The following MYRF variants were observed in gnomAD, a reference collection of about 807,000 sequenced individuals.
MYRF encodes the protein myelin regulatory factor.
In MYRF, 16 loss-of-function variants were observed where a neutral mutation model predicts 126.3. That is an observed-to-expected ratio of 0.13 (90% CI 0.09 to 0.19). MYRF has a LOEUF of 0.19. MYRF is among the 10% of genes least tolerant of loss of function. The pLI, the probability that MYRF is intolerant of heterozygous loss-of-function variation, is 1.00. For synonymous variants in MYRF, 608 were observed against 635.3 expected (o/e 0.96, Z 0.65); for missense variants, 1,104 against 1,547.0 (o/e 0.71, Z 4.80).
Position 61,778,413 on chromosome 11 carries a change from C to T in MYRF, c.1937C>T (p.Pro646Leu). The T allele has an allele frequency of 6.2e-7, 1 of 1,614,098 alleles. No individual in the cohort carries two copies. The highest frequency in any genetic ancestry group is 2.2e-5 in the East Asian group (1 of 44,890). The change falls in exon 14 of 27, where the codon CCT becomes CTT. Residue 646 changes from proline (P) to leucine (L), a missense_variant. Coordinates refer to ENST00000278836, the MANE Select transcript of MYRF (RefSeq NM_001127392.3). The surrounding 1 kb of genome is among the most constrained non-coding windows in gnomAD (Gnocchi z 4.6). ...VIAQEVKEIL[P>L]EAVKDTGDMV... ...GCTCAGGAGGTGAAGGAGATCTTGC[C>T]TGAGGCTGTGAAAGACACCGGAGAC...
intron 14 of MYRF, chr11:61,779,048 A>G (rs2066468602): frequency 3.1e-6 from 2 of 654,566 alleles, no homozygotes; most frequent in African/African-American, 1.8e-5. Flanking sequence ...GTGAAGGTGC[A>G]GAGGTGGAGG....
In MYRF at chr11:61,786,120, C is replaced by T. The variant is rs2066687969; in HGVS notation, c.3433C>T (p.His1145Tyr). The T allele has an allele frequency of 6.2e-7, 1 of 1,614,100 alleles. No individual in the cohort carries two copies. The highest frequency in any genetic ancestry group is 1.3e-5 in the African/African-American group (1 of 74,942). Residue 1145 changes from histidine (H) to tyrosine (Y), a missense_variant, in exon 27 of 27, where the codon CAC becomes TAC. His to Tyr is a moderately conservative substitution (Grantham distance 83, BLOSUM62 2). This residue lies in a region of MYRF where 94 missense variants were observed against 164.6 expected (regional missense o/e 0.57). Transcript: ENST00000278836. This position sits in a 1 kb window ranked among gnomAD's most constrained non-coding sequence, Gnocchi z 4.5. Reference protein sequence around the residue: ...LAQPATDYHFHFYRLCD With the variant: ...LAQPATDYHFYFYRLCD ...CCAGCCAGCCACAGACTACCACTTC[C>T]ACTTCTACCGCCTGTGTGACTGAGC...
intron 22 of MYRF, chr11:61,782,035 T>A: frequency 1.9e-6 from 1 of 528,574 alleles, no homozygotes; most frequent in Non-Finnish European, 3.1e-6. Context: ...AAAGGAATTG[T>A]TGTTCCTATT....
chr11:61,778,621 C>G lies in MYRF; in HGVS notation c.2013+132C>G, dbSNP rs1017927297. On this transcript the variant is annotated intron_variant, in intron 14 of 26. Transcript: ENST00000278836. The surrounding 1 kb of genome is among the most constrained non-coding windows in gnomAD (Gnocchi z 4.6). The stretch of plus-strand genomic sequence containing the variant: ...AGCACCCTCGGCTCTCATGCTGCCT[C>G]CAGAGCGCCCTCTGCACCCCACAGG... 1.3e-5 allele frequency: 9 copies of G among 708,092 alleles called. No homozygotes were observed. Among genetic ancestry groups the G allele is most frequent in the Non-Finnish European group, 2.3e-5 (9 of 392,148 alleles). 43.9% of individuals were successfully genotyped at this position (708,092 alleles called of 1,614,324 possible).
intron 8 of MYRF, 74 bp from the exon 9 acceptor site, chr11:61,775,982 G>C: frequency 4.1e-6 from 6 of 1,446,112 alleles, no homozygotes; most frequent in Non-Finnish European, 4.9e-6. Flanking sequence ...GCCAGGCCTG[G>C]CTGAGAGGGG....
chr11:61,779,053 T>G (rs2066468692), intron 14 of MYRF: 2 of 647,550 alleles, frequency 3.1e-6, no homozygotes, highest in African/African-American at 3.6e-5. Context: ...GGTGCAGAGG[T>G]GGAGGTGTTG....
Position 61,780,184 on chromosome 11 carries a change from G to C in MYRF, c.2337-38G>C, listed in dbSNP as rs528514982. ...CCTAGAGAGAGGGCACTGGATGGTG[G>C]CTCCAGCTCTAACGGTCACCCTTTT... is the stretch of plus-strand genomic sequence containing the variant. On this transcript the variant is annotated intron_variant, in intron 17 of 26. Coordinates refer to ENST00000278836, the MANE Select transcript of MYRF (RefSeq NM_001127392.3). 20 of 1,608,396 alleles carry C rather than the reference G, an allele frequency of 1.2e-5. No homozygotes were observed. In the East Asian group the frequency reaches 3.1e-4, roughly 25 times the overall value.
At chr11:61,762,200 G>A (rs2065918375) in intron 1 of MYRF, among the ~76,000 whole-genome samples, 1 of 152,230 alleles carries the variant, frequency 6.6e-6, no homozygotes, top group African/African-American at 2.4e-5. Flanking sequence ...ACCACGGAGA[G>A]GAGGGGAGGC....
Position 61,786,701 on chromosome 11 carries a change from T to TA in MYRF, c.*559dup, listed in dbSNP as rs2066702953. The TA allele has an allele frequency of 1.3e-5, 2 of 154,276 alleles. No homozygotes were observed. Among genetic ancestry groups the TA allele is most frequent in the South Asian group, 4.1e-4 (2 of 4,886 alleles). The allele number at this position is 154,276 out of a possible 1,614,324, so 9.6% of individuals were successfully genotyped here. On this transcript the variant is annotated 3_prime_UTR_variant, in exon 27 of 27. Transcript: ENST00000278836. This position sits in a 1 kb window ranked among gnomAD's most constrained non-coding sequence, Gnocchi z 4.5. ...AGTGGACTTTCTGGGGTTTGCCTGT[T>TA]ACGCCAGACTCGGACTTCTAAGCTT...
At chr11:61,762,282 G>T (rs1323946069) in intron 1 of MYRF, among the ~76,000 whole-genome samples, 1 of 152,148 alleles carries the variant, frequency 6.6e-6, no homozygotes, top group Non-Finnish European at 1.5e-5. Flanking sequence ...GACTGCCAGA[G>T]GGCTCCGGGT....
At position 61,785,853 on chromosome 11, in the gene MYRF, C is replaced by T. The variant is rs1458503667; in HGVS notation, c.3354C>T (p.Tyr1118=). The change falls in exon 26 of 27, where the codon TAC becomes TAT. Residue 1118 remains tyrosine, a synonymous_variant. Transcript: ENST00000278836. ...ITILSFREFT[Y]HFRVALLGQA... ...TCCTGTCCTTCCGTGAATTCACCTACCACTTCCGGGTGGCACTGCTGGTGA... is the reference window on the plus strand; with the variant it reads ...TCCTGTCCTTCCGTGAATTCACCTATCACTTCCGGGTGGCACTGCTGGTGA... The T allele has an allele frequency of 6.2e-7, 1 of 1,614,082 alleles. No individual in the cohort carries two copies. Among genetic ancestry groups the T allele is most frequent in the African/African-American group, 1.3e-5 (1 of 74,934 alleles).
chr11:61,753,452 C>A (rs901260276), intron 1 of MYRF, among the ~76,000 whole-genome samples: 3 of 151,950 alleles, frequency 2.0e-5, no homozygotes, highest in African/African-American at 7.3e-5. Flanking sequence ...GGGGCTGGGA[C>A]CCCCCTCCCT....
chr11:61,781,494 T>C lies in MYRF; in HGVS notation c.2765-79T>C, dbSNP rs1009399378. On this transcript the variant is annotated intron_variant, in intron 21 of 26. Transcript: ENST00000278836. Reference sequence around the variant, plus strand: ...CAAGAGACACATGGGGTTCACTCAGTCTTGTGGGGCCCTAGAGACAGCTGG... The same window carrying C: ...CAAGAGACACATGGGGTTCACTCAGCCTTGTGGGGCCCTAGAGACAGCTGG... 4.5e-6 allele frequency: 7 copies of C among 1,562,120 alleles called. No individual in the cohort carries two copies. The Admixed American group carries it at 1.1e-4, about 25-fold the overall frequency.
chr11:61,784,486 T>C (rs1041827294), intron 25 of MYRF, 101 bp downstream of exon 25: 16 of 948,666 alleles, frequency 1.7e-5, no homozygotes, highest in Non-Finnish European at 2.6e-5. Flanking sequence ...CTGGGAGTTA[T>C]AGAGTAAAGC....
Position 61,777,700 on chromosome 11 carries a change from G to A in MYRF, c.1792-34G>A. The A allele has an allele frequency of 6.5e-7, 1 of 1,540,258 alleles. No individual in the cohort carries two copies. The highest frequency in any genetic ancestry group is 8.8e-7 in the Non-Finnish European group (1 of 1,137,976). On this transcript the variant is annotated intron_variant, in intron 12 of 26. Transcript: ENST00000278836. The surrounding 1 kb of genome is among the most constrained non-coding windows in gnomAD (Gnocchi z 8.8). ...CGGGGCCTGCTCCGGGACGGCCGCA[G>A]GAGGGGTTCATTCCCGGGCCTGGCT...
chr11:61,775,803 G>A (rs2066362721), intron 8 of MYRF, among the ~76,000 whole-genome samples: 2 of 151,532 alleles, frequency 1.3e-5, no homozygotes, highest in South Asian at 4.2e-4. Context: ...GGGAGTGACT[G>A]CATGCGTAGC....
rs1251208638 is a variant in MYRF, at chr11:61,757,101, A to C, written c.46+4311A>C. 6 of 445,514 alleles carry C rather than the reference A, an allele frequency of 1.3e-5. No individual in the cohort carries two copies. The highest frequency in any genetic ancestry group is 1.8e-5 in the Non-Finnish European group (4 of 218,200). 27.6% of individuals were successfully genotyped at this position (445,514 alleles called of 1,614,324 possible). The stretch of plus-strand genomic sequence containing the variant: ...GCCTTACCTTCCCACCTTCCTCTTC[A>C]CGGACCTAGCACCTTCCTGGGCCTC... On this transcript the variant is annotated intron_variant, in intron 1 of 26. Transcript: ENST00000278836. This position sits in a 1 kb window ranked among gnomAD's most constrained non-coding sequence, Gnocchi z 4.7.
At chr11:61,763,639 A>G (rs2065964165) in intron 1 of MYRF, among the ~76,000 whole-genome samples, 1 of 152,112 alleles carries the variant, frequency 6.6e-6, no homozygotes. Context: ...TGAGGCGGGC[A>G]GATCACCTGA....
In MYRF at chr11:61,783,535, C is replaced by T. The variant is rs2066609872; in HGVS notation, c.3054C>T (p.Ser1018=). 6.2e-7 allele frequency: 1 copy of T among 1,613,742 alleles called. No homozygotes were observed. The highest frequency in any genetic ancestry group is 8.5e-7 in the Non-Finnish European group (1 of 1,180,000). ...LLAEPVPSLT[S]IQVLENSMSI... is the part of the protein sequence containing the mutation. ...CAGAGCCAGTGCCCTCCCTGACCTC[C>T]ATCCAGGTGCTGGAGAATTCGATGT... Residue 1018 remains serine, a synonymous_variant, in exon 23 of 27, where the codon TCC becomes TCT. Transcript: ENST00000278836. The surrounding 1 kb of genome is among the most constrained non-coding windows in gnomAD (Gnocchi z 4.6).
Sources: gnomAD v4.1 joint callset for allele counts (sites outside exome capture counted in the v4.1 genomes callset) on GRCh38, gnomAD v4.1.1 for gene constraint, gnomAD v4.1.1 regional missense constraint, Gnocchi (gnomAD v3.1) non-coding constraint, MANE v1.5 for transcripts, NCBI Gene and HGNC (gene_info 2026-07-23, HGNC 2026-07-21) for gene names.